The following PRELID2 variants were observed in gnomAD, a reference collection of about 807,000 sequenced individuals.
The protein encoded by PRELID2 is PRELI domain containing 2, also known as PRELI domain-containing protein 2.
PRELID2 carries 25 observed loss-of-function variants against 28.4 expected under a neutral mutation model. The ratio of observed to expected loss-of-function variants is 0.88; its 90% CI spans 0.64 to 1.23. The LOEUF (loss-of-function observed/expected upper bound fraction) is 1.23, where lower values mean the gene tolerates loss of function less well. Among genes scored for constraint, PRELID2 ranks in the 50% most tolerant of loss-of-function variants. The pLI is 0.00. For synonymous variants in PRELID2, 76 were observed against 71.6 expected (o/e 1.06, Z -0.31); for missense variants, 201 against 214.4 (o/e 0.94, Z 0.39).
chr5:145,719,353 G>A (rs2149715984), intron 1 of PRELID2, among the ~76,000 whole-genome samples: 1 of 148,572 alleles, frequency 6.7e-6, no homozygotes, highest in South Asian at 2.2e-4. Flanking sequence ...GGCCTCAGAA[G>A]GGCACAATAA....
intron 1 of PRELID2, among the ~76,000 whole-genome samples, chr5:145,563,182 CT>C (rs1752938429): frequency 6.6e-6 from 1 of 152,316 alleles, no homozygotes; most frequent in African/African-American, 2.4e-5. Context: ...AATTCTGGAA[CT>C]TTTGATATCA....
At chr5:145,413,607 A>G in the PRELID2 span, among the ~76,000 whole-genome samples, 1 of 127,068 alleles carries the variant, frequency 7.9e-6, no homozygotes, top group Non-Finnish European at 1.6e-5. Context: ...GTGGATGAAG[A>G]AAATACACAC....
the PRELID2 span, among the ~76,000 whole-genome samples, chr5:145,250,852 G>C: frequency 6.6e-6 from 1 of 152,130 alleles, no homozygotes; most frequent in Non-Finnish European, 1.5e-5. Flanking sequence ...TTAGGTTGTG[G>C]ATACTATAAT....
At chr5:145,547,116 T>C (rs962973374) in intron 1 of PRELID2, among the ~76,000 whole-genome samples, 1 of 152,174 alleles carries the variant, frequency 6.6e-6, no homozygotes, top group Non-Finnish European at 1.5e-5. Flanking sequence ...ATACTTTTCT[T>C]TGCTCTAGGT....
chr5:145,229,895 C>A, the PRELID2 span: 2 of 750,586 alleles, frequency 2.7e-6, no homozygotes, highest in Non-Finnish European at 4.9e-6. Flanking sequence ...AGGTGTACAT[C>A]CTTGGCTGGG....
the PRELID2 span, among the ~76,000 whole-genome samples, chr5:145,255,310 G>A: frequency 6.7e-6 from 1 of 148,968 alleles, no homozygotes; most frequent in East Asian, 2.0e-4. Context: ...CAAATCCAGT[G>A]GAAAAAAAAT....
At chr5:145,645,280 C>T (rs888713974) in intron 1 of PRELID2, among the ~76,000 whole-genome samples, 1 of 141,404 alleles carries the variant, frequency 7.1e-6, no homozygotes, top group African/African-American at 2.7e-5. Context: ...CCTTCTTTGT[C>T]TCTTGATCTT....
chr5:145,537,362 T>C (rs1289383476), intron 1 of PRELID2, among the ~76,000 whole-genome samples: 1 of 151,964 alleles, frequency 6.6e-6, no homozygotes, highest in Non-Finnish European at 1.5e-5. Context: ...GCTGGTTATA[T>C]GGTAGTTCTA....
At chr5:145,817,421 T>TTATATATATATATATATATATATATA (rs6149278) in intron 4 of PRELID2, among the ~76,000 whole-genome samples, 4 of 103,594 alleles carry the variant, frequency 3.9e-5, no homozygotes, top group African/African-American at 1.3e-4. Context: ...TAAGCTAGTT[T>TTATATATATATATATATATATATATA]TATATATATA....
chr5:145,651,867 G>A (rs562401237), intron 1 of PRELID2, among the ~76,000 whole-genome samples: 19 of 152,340 alleles, frequency 1.2e-4, no homozygotes, highest in African/African-American at 3.6e-4. Flanking sequence ...CCAAAGGAAC[G>A]CAGCTCCTCG....
chr5:145,452,127 T>C, the PRELID2 span, among the ~76,000 whole-genome samples: 1 of 152,180 alleles, frequency 6.6e-6, no homozygotes, highest in Non-Finnish European at 1.5e-5. Context: ...TTCTATGTGG[T>C]CTCCTGACTC....
At chr5:145,265,481 A>G in the PRELID2 span, among the ~76,000 whole-genome samples, 1 of 152,178 alleles carries the variant, frequency 6.6e-6, no homozygotes, top group Non-Finnish European at 1.5e-5. Context: ...TAAAATTCAT[A>G]TGGAACCAAA....
chr5:145,524,177 C>A (rs1752587415), intron 1 of PRELID2, among the ~76,000 whole-genome samples: 2 of 152,192 alleles, frequency 1.3e-5, no homozygotes, highest in Non-Finnish European at 2.9e-5. Flanking sequence ...CTCCCTCACC[C>A]ACCATTTGTG....
At chr5:145,389,575 G>C in the PRELID2 span, among the ~76,000 whole-genome samples, 3 of 152,238 alleles carry the variant, frequency 2.0e-5, no homozygotes, top group South Asian at 6.2e-4. Context: ...GCTCAAATAA[G>C]TGGTAACAAC....
intron 1 of PRELID2, among the ~76,000 whole-genome samples, chr5:145,571,883 G>C (rs1012002578): frequency 6.6e-6 from 1 of 151,788 alleles, no homozygotes; most frequent in Non-Finnish European, 1.5e-5. Flanking sequence ...CTGGGAGTCT[G>C]AGGCAGGAGA....
the PRELID2 span, among the ~76,000 whole-genome samples, chr5:145,331,563 G>C: frequency 6.6e-6 from 1 of 152,080 alleles, no homozygotes; most frequent in African/African-American, 2.4e-5. Context: ...TTGGTTTAAA[G>C]TCTGTTTTAT....
intron 4 of PRELID2, among the ~76,000 whole-genome samples, chr5:145,803,735 TAAA>T (rs11368542): frequency 7.4e-6 from 1 of 134,752 alleles, no homozygotes. Flanking sequence ...CAATTTAAAG[TAAA>T]AAAAAAAAAA....
intron 1 of PRELID2, among the ~76,000 whole-genome samples, chr5:145,575,718 T>G (rs1000934108): frequency 2.0e-5 from 3 of 152,134 alleles, no homozygotes; most frequent in African/African-American, 7.2e-5. Flanking sequence ...AGCCCTTCAT[T>G]ATTGGTCCCT....
At chr5:145,549,225 T>C (rs1752812360) in intron 1 of PRELID2, among the ~76,000 whole-genome samples, 1 of 152,188 alleles carries the variant, frequency 6.6e-6, no homozygotes, top group Admixed American at 6.5e-5. Context: ...GCCCACATCA[T>C]TATGACAGGA....
Sources: gnomAD v4.1 joint callset for allele counts (sites outside exome capture counted in the v4.1 genomes callset) on GRCh38, gnomAD v4.1.1 for gene constraint, MANE v1.5 for transcripts, NCBI Gene and HGNC (gene_info 2026-07-23, HGNC 2026-07-21) for gene names.